Variants in NTRK3 observed in about 807,000 individuals in gnomAD.
The protein encoded by NTRK3 is neurotrophic receptor tyrosine kinase 3.
A neutral mutation model predicts 91.7 loss-of-function variants in NTRK3; 24 were observed. The ratio of observed to expected loss-of-function variants is 0.26; its 90% CI spans 0.19 to 0.37. The LOEUF (loss-of-function observed/expected upper bound fraction) is 0.37. Among genes scored for constraint, NTRK3 ranks in the 10% least tolerant of loss-of-function variants. NTRK3 has a pLI of 1.00. For synonymous variants in NTRK3, 483 were observed against 404.0 expected, an observed-to-expected ratio of 1.20 and a Z score of -2.34; for missense variants, 880 against 1,068.9, an observed-to-expected ratio of 0.82 and a Z score of 2.46.
intron 18 of NTRK3, among the ~76,000 whole-genome samples, chr15:87,879,906 G>C (rs79593962): frequency 1.3e-5 from 2 of 152,120 alleles, no homozygotes; most frequent in Non-Finnish European, 2.9e-5. Context: ...CCCAGATTAT[G>C]TGGGCATACT....
intron 14 of NTRK3, among the ~76,000 whole-genome samples, chr15:87,947,534 T>G (rs1193427847): frequency 6.6e-6 from 1 of 151,986 alleles, no homozygotes; most frequent in East Asian, 1.9e-4. Context: ...AGGATGACAT[T>G]TGAAGATAAA....
At chr15:87,993,773 G>C (rs2075466269) in intron 14 of NTRK3, among the ~76,000 whole-genome samples, 1 of 152,090 alleles carries the variant, frequency 6.6e-6, no homozygotes, top group South Asian at 2.1e-4. Flanking sequence ...CACACATTGA[G>C]GGCCTCCTAT....
At chr15:88,073,733 A>G (rs1253956005) in intron 13 of NTRK3, among the ~76,000 whole-genome samples, 1 of 152,152 alleles carries the variant, frequency 6.6e-6, no homozygotes, top group Admixed American at 6.5e-5. Context: ...AAGAGAGAAA[A>G]TCTAAGGATG....
intron 13 of NTRK3, among the ~76,000 whole-genome samples, chr15:88,101,115 C>A (rs2050129292): frequency 6.6e-6 from 1 of 152,194 alleles, no homozygotes; most frequent in African/African-American, 2.4e-5. Context: ...GCAATCTACT[C>A]ATCTGACAAA....
chr15:88,068,421 A>G (rs1263716483), intron 13 of NTRK3, among the ~76,000 whole-genome samples: 1 of 151,794 alleles, frequency 6.6e-6, no homozygotes, highest in Non-Finnish European at 1.5e-5. Flanking sequence ...AGAGAGGGAA[A>G]CTCCATCTCA....
At chr15:87,936,213 G>A (rs539050602) in intron 15 of NTRK3, among the ~76,000 whole-genome samples, 1 of 152,178 alleles carries the variant, frequency 6.6e-6, no homozygotes, top group Non-Finnish European at 1.5e-5. Flanking sequence ...CATGCATCTT[G>A]CCAAGAGGTC....
In NTRK3 at chr15:88,111,304, T is replaced by C. The variant is rs558017916; in HGVS notation, c.1396+14967A>G. ...TTCTACCAGGAGGTGTTATGTTGTT[T>C]CCCGAAGTACTAATACTTGCATCCT... On this transcript the variant is annotated intron_variant, in intron 13 of 18. Coordinates refer to ENST00000394480, the Ensembl canonical transcript of NTRK3. 2.4e-4 allele frequency among the ~76,000 whole-genome samples: 37 copies of C among 152,250 alleles called. No individual in the cohort carries two copies. In the South Asian group the frequency reaches 7.5e-3, roughly 31 times the overall value.
At chr15:87,969,223 A>T (rs1295119422) in intron 14 of NTRK3, among the ~76,000 whole-genome samples, 2 of 152,104 alleles carry the variant, frequency 1.3e-5, no homozygotes, top group African/African-American at 4.8e-5. Flanking sequence ...CTCATATCAG[A>T]GCAGGGGCCT....
At chr15:88,011,820 C>T (rs868324123) in intron 14 of NTRK3, among the ~76,000 whole-genome samples, 3 of 152,266 alleles carry the variant, frequency 2.0e-5, no homozygotes, top group Middle Eastern at 6.8e-3. Flanking sequence ...TGGGGTGACC[C>T]AGTAGTGCAG....
At chr15:88,245,735 A>G (rs953961848) in intron 3 of NTRK3, among the ~76,000 whole-genome samples, 2 of 152,168 alleles carry the variant, frequency 1.3e-5, no homozygotes, top group African/African-American at 4.8e-5. Flanking sequence ...GAAATCTTAT[A>G]ATAGTCCTGC....
At chr15:88,123,118 C>A (rs1017987119) in intron 13 of NTRK3, among the ~76,000 whole-genome samples, 1 of 152,102 alleles carries the variant, frequency 6.6e-6, no homozygotes, top group South Asian at 2.1e-4. Context: ...ATAAAAGGAA[C>A]CTATGAAGGT....
chr15:88,045,123 C>T (rs2080056779), intron 13 of NTRK3, among the ~76,000 whole-genome samples: 1 of 152,206 alleles, frequency 6.6e-6, no homozygotes, highest in African/African-American at 2.4e-5. Context: ...ATAGTACATC[C>T]AAGTCTCAGG....
At chr15:87,876,240 T>C in exon 19 of NTRK3, 1 of 232,968 alleles carries the variant, frequency 4.3e-6, no homozygotes. Flanking sequence ...CTGTTCTGTG[T>C]TTACCCGTAG....
chr15:88,210,503 C>T (rs1401870630), intron 3 of NTRK3, among the ~76,000 whole-genome samples: 1 of 152,212 alleles, frequency 6.6e-6, no homozygotes, highest in Non-Finnish European at 1.5e-5. Context: ...CTTGCCTTTG[C>T]ACCATGATGG....
chr15:88,096,116 CA>C (rs2049568719), intron 13 of NTRK3, among the ~76,000 whole-genome samples: 1 of 152,122 alleles, frequency 6.6e-6, no homozygotes. Flanking sequence ...TTTCCTTCCC[CA>C]GAACAAACAG....
intron 13 of NTRK3, among the ~76,000 whole-genome samples, chr15:88,074,086 C>G (rs540383529): frequency 4.6e-5 from 7 of 152,316 alleles, no homozygotes; most frequent in African/African-American, 1.7e-4. Context: ...TGAACACCGA[C>G]CATGTGCCAA....
intron 13 of NTRK3, among the ~76,000 whole-genome samples, chr15:88,125,169 G>C (rs1032704855): frequency 6.6e-6 from 1 of 152,158 alleles, no homozygotes; most frequent in Non-Finnish European, 1.5e-5. Flanking sequence ...CTATATATCA[G>C]TGTTCTGAAT....
intron 14 of NTRK3, among the ~76,000 whole-genome samples, chr15:88,003,508 T>C (rs368531607): frequency 1.3e-5 from 2 of 152,190 alleles, no homozygotes; most frequent in African/African-American, 4.8e-5. Context: ...CTAATTTTAC[T>C]GGTGAAAGAA....
chr15:88,128,629 G>T, intron 11 of NTRK3, 82 bp downstream of exon 11: 1 of 1,416,284 alleles, frequency 7.1e-7, no homozygotes, highest in Non-Finnish European at 1.0e-6. Context: ...ATGTGGAATA[G>T]GAGAGAGGGC....
Sources: gnomAD v4.1 joint callset for allele counts (sites outside exome capture counted in the v4.1 genomes callset) on GRCh38, gnomAD v4.1.1 for gene constraint, MANE v1.5 for transcripts, NCBI Gene and HGNC (gene_info 2026-07-23, HGNC 2026-07-21) for gene names.